MRPS12: variants seen among roughly 807,000 people sequenced by gnomAD.
MRPS12 encodes mitochondrial ribosomal protein S12, also known as small ribosomal subunit protein uS12m.
In MRPS12, 7 loss-of-function variants were observed where a neutral mutation model predicts 8.4. That is an observed-to-expected ratio of 0.83 (90% CI 0.47 to 1.56). The LOEUF (loss-of-function observed/expected upper bound fraction) is 1.56, where lower values mean the gene tolerates loss of function less well. Ranked by LOEUF, MRPS12 falls within the 40% of genes most tolerant of loss-of-function variation. MRPS12 has a pLI of 0.01. For missense variants in MRPS12, 200 were observed against 194.1 expected (o/e 1.03, Z -0.18); for synonymous variants, 84 against 84.1 (o/e 1.00, Z 0.01).
chr19:38,933,044 CTG>C lies in MRPS12; in HGVS notation c.*349_*350del. 4.2e-6 allele frequency: 1 copy of C among 235,614 alleles called. No homozygotes were observed. The highest frequency in any genetic ancestry group is 8.4e-6 in the Non-Finnish European group (1 of 119,248). The allele number at this position is 235,614 out of a possible 1,614,324, so 14.6% of individuals were successfully genotyped here. A position where few individuals can be genotyped will look rare whatever the true frequency, so the allele number is the denominator to read the frequency against. Reference sequence around the variant, plus strand: ...AATCCCCTTGTGGAGTATTTGCCCTCTGTGTGGCTGTGGCAGTGGACATCTCT... The same window carrying C: ...AATCCCCTTGTGGAGTATTTGCCCTCTGTGGCTGTGGCAGTGGACATCTCT... On this transcript the variant is annotated 3_prime_UTR_variant, in exon 3 of 3. Coordinates refer to ENST00000308018, the MANE Select transcript of MRPS12 (RefSeq NM_033362.4).
chr19:38,932,549 G>A lies in MRPS12; in HGVS notation c.266G>A (p.Arg89His), dbSNP rs768970230. The A allele has an allele frequency of 1.1e-5, 18 of 1,612,874 alleles. No individual in the cohort carries two copies. The highest frequency in any genetic ancestry group is 8.3e-5 in the Admixed American group (5 of 59,914). The change falls in exon 3 of 3, where the codon CGC (arginine) becomes CAC (histidine). Residue 89 changes from arginine to histidine, a missense_variant. Coordinates refer to ENST00000308018, the MANE Select transcript of MRPS12 (RefSeq NM_033362.4). ...TGTCGAGTGCGGCTCAGCACTGGCC[G>A]CGAGGCCGTCTGCTTCATCCCTGGG... is the stretch of plus-strand genomic sequence containing the variant. ...KCCRVRLSTG[R>H]EAVCFIPGEG...
chr19:38,931,982 G>A (rs1425931273), intron 2 of MRPS12: 2 of 185,690 alleles, frequency 1.1e-5, no homozygotes, highest in Non-Finnish European at 2.2e-5. Flanking sequence ...TTAAAAATAC[G>A]AAGATTAGCC....
chr19:38,931,237 CT>C, intron 1 of MRPS12, 38 bp from the exon 2 acceptor site: 3 of 1,517,194 alleles, frequency 2.0e-6, no homozygotes, highest in East Asian at 2.3e-5. Context: ...GGATCGGTCA[CT>C]TTTTCCTCCT....
rs1568431624 is a variant in MRPS12 at position 38,931,307 on chromosome 19, G to GGCC, written c.14_16dup (p.Gly5_Leu6insArg). ...CCCAGGTGGCAGGATGTCCTGGTCT[G>GGCC]GCCTTCTCCATGGCCTCAACACGTC... is the stretch of plus-strand genomic sequence containing the variant. On this transcript the variant is annotated inframe_insertion, in exon 2 of 3. Coordinates refer to ENST00000308018, the MANE Select transcript of MRPS12 (RefSeq NM_033362.4). 6.2e-7 allele frequency: 1 copy of GGCC among 1,605,684 alleles called. No homozygotes were observed. Among genetic ancestry groups the GGCC allele is most frequent in the Admixed American group, 1.7e-5 (1 of 58,402 alleles).
chr19:38,931,370 A>C (rs1378080711), intron 2 of MRPS12, 27 bp downstream of exon 2: 1 of 1,571,170 alleles, frequency 6.4e-7, no homozygotes, highest in Non-Finnish European at 8.6e-7. Flanking sequence ...GGCTTCAGGG[A>C]CGAGGCTAGA....
chr19:38,931,722 T>C, intron 2 of MRPS12: 1 of 176,066 alleles, frequency 5.7e-6, no homozygotes, highest in South Asian at 1.6e-4. Context: ...TTTGATTCTT[T>C]GTAGAGAGGG....
chr19:38,932,446 CG>C lies in MRPS12; in HGVS notation c.165del (p.Pro56ArgfsTer3). The C allele has an allele frequency of 1.2e-5, 19 of 1,612,504 alleles. No individual in the cohort carries two copies. The highest frequency in any genetic ancestry group is 1.4e-5 in the Non-Finnish European group (17 of 1,179,138). On this transcript the variant is annotated frameshift_variant, in exon 3 of 3. Coordinates refer to ENST00000308018, the MANE Select transcript of MRPS12 (RefSeq NM_033362.4). LOFTEE classifies it high-confidence loss of function. ...PPRKLGPTEG[R>X]PQLKGVVLCT... is the part of the protein sequence containing the mutation. ...TCGGAAGCTGGGCCCCACGGAAGGC[CG>C]GCCGCAGCTGAAGGGTGTGGTCCTG... is the stretch of plus-strand genomic sequence containing the variant.
chr19:38,931,045 A>G (rs1395575173), intron 1 of MRPS12, 47 bp downstream of exon 1: 6 of 595,740 alleles, frequency 1.0e-5, no homozygotes, highest in South Asian at 4.1e-5. Flanking sequence ...CCATCTCCCC[A>G]GTTTCCCAGT....
At position 38,933,091 on chromosome 19, in the gene MRPS12, A is replaced by G. The variant is rs1413243950; in HGVS notation, c.*391A>G. 1 of 187,160 alleles carries G rather than the reference A, an allele frequency of 5.3e-6. No homozygotes were observed. Among genetic ancestry groups the G allele is most frequent in the African/African-American group, 2.4e-5 (1 of 42,168 alleles). The allele number at this position is 187,160 out of a possible 1,614,324, so 11.6% of individuals were successfully genotyped here. A position where few individuals can be genotyped will look rare whatever the true frequency, so the allele number is the denominator to read the frequency against. ...ATCTCTGAGCTTCAGTTTCCTCCAG[A>G]AAATAGCTCCATTGGTGGTATCTCC... On this transcript the variant is annotated 3_prime_UTR_variant, in exon 3 of 3. Coordinates refer to ENST00000308018, the MANE Select transcript of MRPS12 (RefSeq NM_033362.4).
rs776988560 is a variant in MRPS12 at position 38,932,523 on chromosome 19, C to T, written c.240C>T (p.Cys80=). The T allele has an allele frequency of 6.2e-7, 1 of 1,612,896 alleles. No individual in the cohort carries two copies. Among genetic ancestry groups the T allele is most frequent in the Non-Finnish European group, 8.5e-7 (1 of 1,179,190 alleles). The part of the protein sequence containing the change: ...PKKPNSANRK[C]CRVRLSTGRE... Reference sequence around the variant, plus strand: ...AGCCCAACTCAGCCAATCGCAAGTGCTGTCGAGTGCGGCTCAGCACTGGCC... The same window carrying T: ...AGCCCAACTCAGCCAATCGCAAGTGTTGTCGAGTGCGGCTCAGCACTGGCC... The change falls in exon 3 of 3, where the codon TGC becomes TGT. Residue 80 remains cysteine (C), a synonymous_variant. Coordinates refer to ENST00000308018, the MANE Select transcript of MRPS12 (RefSeq NM_033362.4).
At position 38,932,624 on chromosome 19, in the gene MRPS12, G is replaced by T. The variant is rs766262829; in HGVS notation, c.341G>T (p.Arg114Leu). 6.2e-7 allele frequency: 1 copy of T among 1,613,592 alleles called. No homozygotes were observed. Among genetic ancestry groups the T allele is most frequent in the South Asian group, 1.1e-5 (1 of 91,082 alleles). Reference protein sequence around the residue: ...EHQIVLVEGGRTQDLPGVKLT... With the variant: ...EHQIVLVEGGLTQDLPGVKLT... ...CAGATTGTCCTTGTGGAGGGCGGCC[G>T]CACCCAGGACCTGCCAGGCGTCAAG... The change falls in exon 3 of 3, where the codon CGC (arginine) becomes CTC (leucine). Residue 114 changes from arginine to leucine, a missense_variant. Arg to Leu is a moderately radical substitution (Grantham distance 102). Transcript: ENST00000308018.
chr19:38,931,401 T>A (rs1287154175), intron 2 of MRPS12, 58 bp downstream of exon 2: 1 of 1,460,434 alleles, frequency 6.8e-7, no homozygotes, highest in Non-Finnish European at 9.2e-7. Context: ...TATTCGCTCT[T>A]GGACTTGTGT....
At position 38,930,975 on chromosome 19, in the gene MRPS12, G is replaced by T. The variant is rs752903214; in HGVS notation, c.-43G>T. The T allele has an allele frequency of 1.3e-5, 8 of 610,582 alleles. No homozygotes were observed. Among genetic ancestry groups the T allele is most frequent in the African/African-American group, 1.3e-4 (7 of 54,016 alleles). 37.8% of individuals were successfully genotyped at this position (610,582 alleles called of 1,614,324 possible). On this transcript the variant is annotated 5_prime_UTR_variant, in exon 1 of 3. Transcript: ENST00000308018. Reference sequence around the variant, plus strand: ...TAGAAGCTGGATTCAGCGTGTCCGCGACCTCACCTTTAGGTCCTGTGAGGT... The same window carrying T: ...TAGAAGCTGGATTCAGCGTGTCCGCTACCTCACCTTTAGGTCCTGTGAGGT...
intron 1 of MRPS12, 137 bp from the exon 2 acceptor site, chr19:38,931,139 G>T: frequency 1.3e-6 from 1 of 746,548 alleles, no homozygotes; most frequent in Non-Finnish European, 2.3e-6. Flanking sequence ...CTTTCTGTTA[G>T]CAGCATGAGG....
intron 2 of MRPS12, among the ~76,000 whole-genome samples, 184 bp from the exon 3 acceptor site, chr19:38,932,149 A>AG (rs1974764443): frequency 2.9e-5 from 4 of 136,088 alleles, no homozygotes; most frequent in South Asian, 2.3e-4. Flanking sequence ...AAAAAAAAAG[A>AG]AAAAAAAAAA....
chr19:38,931,316 C>G lies in MRPS12; in HGVS notation c.22C>G (p.His8Asp). Residue 8 changes from histidine to aspartate, a missense_variant, in exon 2 of 3, where the codon CAT becomes GAT. Transcript: ENST00000308018. Reference protein sequence around the residue: MSWSGLLHGLNTSLTCGP... With the variant: MSWSGLLDGLNTSLTCGP... ...CAGGATGTCCTGGTCTGGCCTTCTC[C>G]ATGGCCTCAACACGTCCCTAACTTG... 6.2e-7 allele frequency: 1 copy of G among 1,604,246 alleles called. No homozygotes were observed. Among genetic ancestry groups the G allele is most frequent in the Non-Finnish European group, 8.5e-7 (1 of 1,175,788 alleles).
Position 38,931,423 on chromosome 19 carries a change from A to C in MRPS12, c.49+80A>C, listed in dbSNP as rs956624375. 3 of 1,348,708 alleles carry C rather than the reference A, an allele frequency of 2.2e-6. No homozygotes were observed. The African/African-American group carries it at 4.5e-5, about 20-fold the overall frequency. The allele number at this position is 1,348,708 out of a possible 1,614,324, so 83.5% of individuals were successfully genotyped here. On this transcript the variant is annotated intron_variant, in intron 2 of 2. Coordinates refer to ENST00000308018, the MANE Select transcript of MRPS12 (RefSeq NM_033362.4). ...TCTTGGACTTGTGTGCCTCCGTCGG[A>C]GCCCCGAGGGAAACGGGGGTGGAAA...
chr19:38,933,166 G>T lies in MRPS12; in HGVS notation c.*466G>T. ...ATTCGATGCTCTATGTGCATAACAC[G>T]CACGGAGGGCTCTTTTTTTTTTTTT... On this transcript the variant is annotated 3_prime_UTR_variant, in exon 3 of 3. Transcript: ENST00000308018. The T allele has an allele frequency of 6.6e-6, 1 of 152,408 alleles. No individual in the cohort carries two copies. Among genetic ancestry groups the T allele is most frequent in the Non-Finnish European group, 1.5e-5 (1 of 68,852 alleles). The allele number at this position is 152,408 out of a possible 1,614,324, so 9.4% of individuals were successfully genotyped here.
At position 38,932,790 on chromosome 19, in the gene MRPS12, G is replaced by C; in HGVS notation, c.*90G>C. 2.7e-6 allele frequency: 4 copies of C among 1,505,422 alleles called. No homozygotes were observed. The South Asian group carries it at 3.8e-5, about 14-fold the overall frequency. 93.3% of individuals were successfully genotyped at this position (1,505,422 alleles called of 1,614,324 possible). ...AGGGTCCTCCGATGCTGGCCTTTGC[G>C]CCTCTAGAGGCAGCCACTCATGGAT... On this transcript the variant is annotated 3_prime_UTR_variant, in exon 3 of 3. Coordinates refer to ENST00000308018, the MANE Select transcript of MRPS12 (RefSeq NM_033362.4).
Sources: allele counts gnomAD v4.1 joint callset (sites outside exome capture counted in the v4.1 genomes callset), GRCh38; gene constraint gnomAD v4.1.1; transcripts MANE v1.5; gene names NCBI Gene and HGNC (gene_info 2026-07-23, HGNC 2026-07-21).